RXYLT1: variants seen among roughly 807,000 people sequenced by gnomAD.
The protein encoded by RXYLT1 is ribitol xylosyltransferase 1.
A neutral mutation model predicts 43.5 loss-of-function variants in RXYLT1; 41 were observed. The ratio of observed to expected loss-of-function variants is 0.94; its 90% CI spans 0.73 to 1.22. RXYLT1 has a LOEUF of 1.22. Ranked by LOEUF, RXYLT1 falls within the 50% of genes most tolerant of loss-of-function variation. RXYLT1 has a pLI of 0.00. For missense variants in RXYLT1, 514 were observed against 532.0 expected (o/e 0.97, Z 0.33); for synonymous variants, 166 against 194.4 (o/e 0.85, Z 1.21).
chr12:63,799,083 C>A (rs1898097691), intron 3 of RXYLT1, among the ~76,000 whole-genome samples: 1 of 152,164 alleles, frequency 6.6e-6, no homozygotes, highest in Non-Finnish European at 1.5e-5. Context: ...GTATTGACCC[C>A]ATGGCTTTCA....
At chr12:63,785,141 T>C in intron 3 of RXYLT1, 69 bp downstream of exon 3, 1 of 1,041,994 alleles carries the variant, frequency 9.6e-7, no homozygotes, top group South Asian at 2.0e-5. Context: ...CTGTAAATAC[T>C]AAAAGAAAAA....
chr12:63,780,360 A>G, intron 1 of RXYLT1: 1 of 1,287,140 alleles, frequency 7.8e-7, no homozygotes, highest in Non-Finnish European at 9.8e-7. Context: ...CCAGGGGGTG[A>G]CAGGCGCGCA....
intron 3 of RXYLT1, chr12:63,785,349 C>T (rs1402015959): frequency 5.8e-6 from 1 of 173,172 alleles, no homozygotes; most frequent in East Asian, 1.4e-4. Flanking sequence ...CCACATCTTA[C>T]AGCGTTTGAA....
In RXYLT1 at chr12:63,782,575, C is replaced by T. The variant is rs151335175; in HGVS notation, c.325+1401C>T. 6.6e-6 allele frequency: 3 copies of T among 456,684 alleles called. 1 individual carries two copies. The highest frequency in any genetic ancestry group is 4.6e-5 in the South Asian group (3 of 64,574). 28.3% of individuals were successfully genotyped at this position (456,684 alleles called of 1,614,324 possible). On this transcript the variant is annotated intron_variant, in intron 2 of 5. Transcript: ENST00000261234. ...GCAGCGTTTCTGCTCATAAAACATT[C>T]TGAAGAACCTTGTGGGCCCTCTGTG...
At chr12:63,797,435 C>T (rs1335770058) in intron 3 of RXYLT1, among the ~76,000 whole-genome samples, 2 of 152,228 alleles carry the variant, frequency 1.3e-5, no homozygotes, top group South Asian at 2.1e-4. Context: ...GCTGAGCAGT[C>T]TTTAAAATGA....
At chr12:63,789,590 C>T (rs1473985929) in intron 3 of RXYLT1, among the ~76,000 whole-genome samples, 1 of 152,184 alleles carries the variant, frequency 6.6e-6, no homozygotes, top group Non-Finnish European at 1.5e-5. Context: ...TTGTAAAAAA[C>T]TCTTTATTTG....
At chr12:63,783,744 C>CAT (rs1565899240) in intron 2 of RXYLT1, among the ~76,000 whole-genome samples, 1 of 152,074 alleles carries the variant, frequency 6.6e-6, no homozygotes, top group Non-Finnish European at 1.5e-5. Context: ...TTCCAGGTAC[C>CAT]ATAATCTTAA....
chr12:63,790,575 TGCAGTGGC>T (rs1897900038), intron 3 of RXYLT1: 1 of 152,310 alleles, frequency 6.6e-6, no homozygotes, highest in Non-Finnish European at 1.5e-5. Flanking sequence ...CAGGCTGGAG[TGCAGTGGC>T]GCAATCTCGG....
intron 4 of RXYLT1, 34 bp downstream of exon 4, chr12:63,802,439 C>A: frequency 6.7e-7 from 1 of 1,503,084 alleles, no homozygotes; most frequent in Non-Finnish European, 8.9e-7. Context: ...ATTTTTAGGC[C>A]CTAACACCTG....
intron 2 of RXYLT1, among the ~76,000 whole-genome samples, chr12:63,783,409 C>T (rs1329421172): frequency 6.6e-6 from 1 of 151,778 alleles, no homozygotes; most frequent in African/African-American, 2.4e-5. Context: ...TGCAGTGAGC[C>T]GAGATCATGC....
chr12:63,799,863 T>A (rs1898120350), intron 3 of RXYLT1, among the ~76,000 whole-genome samples: 1 of 152,184 alleles, frequency 6.6e-6, no homozygotes, highest in Non-Finnish European at 1.5e-5. Context: ...CAATAATAAA[T>A]ATTTTAAACA....
At chr12:63,791,217 T>G (rs2136225386) in intron 3 of RXYLT1, among the ~76,000 whole-genome samples, 1 of 152,334 alleles carries the variant, frequency 6.6e-6, no homozygotes, top group South Asian at 2.1e-4. Flanking sequence ...TAGGACAATT[T>G]TATTTTTAAT....
At chr12:63,782,492 C>T in intron 2 of RXYLT1, 1 of 456,004 alleles carries the variant, frequency 2.2e-6, no homozygotes, top group South Asian at 1.6e-5. Flanking sequence ...GTAAAATTTT[C>T]AGAGCCCATC....
intron 3 of RXYLT1, among the ~76,000 whole-genome samples, chr12:63,791,093 A>G (rs541997496): frequency 3.3e-5 from 5 of 152,292 alleles, no homozygotes; most frequent in African/African-American, 1.2e-4. Flanking sequence ...TACATTCTTT[A>G]TATTAATATG....
rs1414369397 is a variant in RXYLT1 at position 63,780,102 on chromosome 12, G to A, written c.142G>A (p.Ala48Thr). 1.9e-6 allele frequency: 3 copies of A among 1,547,164 alleles called. No homozygotes were observed. The African/African-American group carries it at 4.2e-5, about 21-fold the overall frequency. Residue 48 changes from alanine to threonine, a missense_variant, in exon 1 of 6, where the codon GCC (alanine) becomes ACC (threonine). By Grantham distance (58) the Ala-to-Thr change is moderately conservative (BLOSUM62 0). Coordinates refer to ENST00000261234, the MANE Select transcript of RXYLT1 (RefSeq NM_014254.3). Reference protein sequence around the residue: ...GSPRGLRKGAAPARERRGREQ... With the variant: ...GSPRGLRKGATPARERRGREQ... ...CCCGCGGGGCCTCAGGAAGGGGGCG[G>A]CCCCCGCGCGGGAGAGACGCGGCCG...
At chr12:63,805,149 C>T in intron 4 of RXYLT1, 85 bp from the exon 5 acceptor site, 1 of 1,050,638 alleles carries the variant, frequency 9.5e-7, no homozygotes, top group Non-Finnish European at 1.3e-6. Flanking sequence ...CTTCTGTATA[C>T]TTCTTGCTAC....
chr12:63,804,345 G>C (rs1291490384), intron 4 of RXYLT1: 2 of 152,136 alleles, frequency 1.3e-5, no homozygotes, highest in Non-Finnish European at 2.9e-5. Context: ...GTAAAATTTT[G>C]TTCTCGTGTG....
chr12:63,791,324 A>G (rs892270951), intron 3 of RXYLT1, among the ~76,000 whole-genome samples: 4 of 152,230 alleles, frequency 2.6e-5, no homozygotes, highest in African/African-American at 9.6e-5. Context: ...AGTCATTACC[A>G]CAGGCTATAT....
chr12:63,802,497 CT>C (rs1281269325), intron 4 of RXYLT1, 92 bp downstream of exon 4: 33 of 1,286,610 alleles, frequency 2.6e-5, no homozygotes, highest in Middle Eastern at 4.3e-4. Flanking sequence ...AAATTTAGTT[CT>C]TCTGGGATTA....
Sources: gnomAD v4.1 joint callset for allele counts (sites outside exome capture counted in the v4.1 genomes callset) on GRCh38, gnomAD v4.1.1 for gene constraint, MANE v1.5 for transcripts, NCBI Gene and HGNC (gene_info 2026-07-23, HGNC 2026-07-21) for gene names.